OGT: variants seen among roughly 807,000 people sequenced by gnomAD.
OGT encodes the protein O-linked N-acetylglucosamine (GlcNAc) transferase, also known as UDP-N-acetylglucosamine--peptide N-acetylglucosaminyltransferase 110 kDa subunit.
A neutral mutation model predicts 75.8 loss-of-function variants in OGT; 3 were observed. The ratio of observed to expected loss-of-function variants is 0.04; its 90% confidence interval spans 0.02 to 0.10. The LOEUF (loss-of-function observed/expected upper bound fraction) is 0.10, where lower values mean the gene tolerates loss of function less well. Among genes scored for constraint, OGT ranks in the 10% least tolerant of loss-of-function variants. OGT has a pLI of 1.00. For missense variants in OGT, 260 were observed against 824.4 expected (o/e 0.32, Z 8.38); for synonymous variants, 257 against 289.7 (o/e 0.89, Z 1.15).
At chrX:71,536,799 TAATC>T (rs775920445) in intron 2 of OGT, 251 of 150,105 alleles carry the variant, frequency 1.7e-3, no homozygotes, top group Middle Eastern at 2.9e-3. Context: ...TCAGTTGAAT[TAATC>T]AAAAGGGAAG....
chrX:71,550,253 C>T (rs1224663996), intron 5 of OGT, among the ~76,000 whole-genome samples: 2 of 112,500 alleles, frequency 1.8e-5, no homozygotes, highest in East Asian at 2.8e-4. Flanking sequence ...TGTTATTATT[C>T]GTCCTTTTGA....
rs1401687254 is a variant in OGT, at chrX:71,563,106, G to A, written c.2149-24G>A. ...TGTCTATGTAAATCCTAAAAGACAT[G>A]TCTGAAACTATTTTTTCCATTAGAA... On this transcript the variant is annotated intron_variant, in intron 16 of 21. Transcript: ENST00000373719. The A allele has an allele frequency of 4.2e-6, 5 of 1,197,730 alleles. No homozygotes were observed. The African/African-American group carries it at 7.0e-5, about 17-fold the overall frequency.
Position 71,575,234 on chromosome X carries a change from A to T in OGT, c.*1440A>T, listed in dbSNP as rs954691910. The stretch of plus-strand genomic sequence containing the variant: ...TTGTCTGCTAGTAGTGTTCTAGATT[A>T]TGTCTTTCCAAAGCGCTGAGGCTGT... On this transcript the variant is annotated 3_prime_UTR_variant, in exon 22 of 22. Transcript: ENST00000373719. The T allele has an allele frequency of 2.1e-4, 24 of 112,169 alleles. No homozygotes were observed. Among genetic ancestry groups the T allele is most frequent in the African/African-American group, 7.5e-4 (23 of 30,794 alleles). The allele number at this position is 112,169 out of a possible 1,213,427, so 9.2% of individuals were successfully genotyped here.
Position 71,566,608 on chromosome X carries a change from A to G in OGT, c.2590-892A>G, listed in dbSNP as rs148281473. On this transcript the variant is annotated intron_variant, in intron 19 of 21. Coordinates refer to ENST00000373719, the MANE Select transcript of OGT (RefSeq NM_181672.3). ...AATTACCTACCACTGGGTCCCTCCC[A>G]TGACACATGGGGCTTATGGGAACTG... is the stretch of plus-strand genomic sequence containing the variant. Among the ~76,000 whole-genome samples, 409 of 112,154 alleles carry G rather than the reference A, an allele frequency of 3.6e-3. 6 individuals are homozygous for G. The highest frequency in any genetic ancestry group is 0.032 in the Admixed American group (334 of 10,563).
chrX:71,535,359 ACCAGAG>A (rs1170501593), intron 1 of OGT, among the ~76,000 whole-genome samples: 4 of 111,705 alleles, frequency 3.6e-5, no homozygotes, highest in Non-Finnish European at 7.5e-5. Flanking sequence ...TTTAGTCAAT[ACCAGAG>A]CTGTTTGGAA....
In OGT at chrX:71,574,805, G is replaced by C. The variant is rs1333826109; in HGVS notation, c.*1011G>C. On this transcript the variant is annotated 3_prime_UTR_variant, in exon 22 of 22. Coordinates refer to ENST00000373719, the MANE Select transcript of OGT (RefSeq NM_181672.3). ...CCTGTTCTTCCTATTTCTTTCAGCA[G>C]AAATGAAATCCCAGGTAAGTATAAG... 9.6e-6 allele frequency: 1 copy of C among 104,380 alleles called. No individual in the cohort carries two copies. Among genetic ancestry groups the C allele is most frequent in the Non-Finnish European group, 2.0e-5 (1 of 51,235 alleles). 8.6% of individuals were successfully genotyped at this position (104,380 alleles called of 1,213,427 possible).
At chrX:71,549,614 T>A (rs2147676849) in intron 5 of OGT, among the ~76,000 whole-genome samples, 1 of 110,800 alleles carries the variant, frequency 9.0e-6, no homozygotes, top group African/African-American at 3.3e-5. Context: ...AGTAAGACCC[T>A]GTCTCTACAA....
chrX:71,573,336 T>C (rs998048609), intron 21 of OGT, among the ~76,000 whole-genome samples: 5 of 112,418 alleles, frequency 4.4e-5, no homozygotes, highest in African/African-American at 1.6e-4. Context: ...CTTGTTATTT[T>C]AAAGGTAGAA....
At chrX:71,562,674 T>G (rs2040392448) in intron 15 of OGT, among the ~76,000 whole-genome samples, 173 bp from the exon 16 acceptor site, 1 of 112,055 alleles carries the variant, frequency 8.9e-6, no homozygotes, top group South Asian at 3.7e-4. Flanking sequence ...GACCTCCTTG[T>G]TTATTTACTT....
chrX:71,557,240 C>T lies in OGT; in HGVS notation c.1366C>T (p.Leu456=), dbSNP rs939393427. The T allele has an allele frequency of 2.0e-5, 24 of 1,207,007 alleles. No homozygotes were observed. Among genetic ancestry groups the T allele is most frequent in the Non-Finnish European group, 2.4e-5 (21 of 893,234 alleles). The change falls in exon 11 of 22, where the codon CTG becomes TTG. Residue 456 remains leucine (L), a synonymous_variant. Transcript: ENST00000373719. The part of the protein sequence containing the change: ...PEAIASYRTA[L]KLKPDFPDAY... ...AGCCATAGCTTCTTACCGCACGGCT[C>T]TGAAACTTAAGCCTGATTTTCCTGA...
chrX:71,548,393 T>C (rs2040276965), intron 5 of OGT, among the ~76,000 whole-genome samples: 1 of 111,188 alleles, frequency 9.0e-6, no homozygotes, highest in Non-Finnish European at 1.9e-5. Flanking sequence ...GCTGTGACCA[T>C]GCCACTGTAC....
chrX:71,563,856 C>G (rs1278907087), intron 18 of OGT, among the ~76,000 whole-genome samples: 2 of 111,996 alleles, frequency 1.8e-5, no homozygotes, highest in Non-Finnish European at 3.8e-5. Context: ...ACAGCTCTTC[C>G]AGGAATCCAT....
intron 19 of OGT, among the ~76,000 whole-genome samples, 196 bp downstream of exon 19, chrX:71,564,949 G>A (rs1257928694): frequency 9.0e-6 from 1 of 111,629 alleles, no homozygotes; most frequent in Non-Finnish European, 1.9e-5. Flanking sequence ...CTGAGGTCAG[G>A]AGCTTGAGAC....
At chrX:71,538,744 G>T (rs1238233383) in intron 3 of OGT, among the ~76,000 whole-genome samples, 2 of 112,118 alleles carry the variant, frequency 1.8e-5, no homozygotes, top group African/African-American at 6.5e-5. Context: ...TTATGATGTA[G>T]TTAGAGAAAG....
chrX:71,535,077 G>A (rs2040165333), intron 1 of OGT, among the ~76,000 whole-genome samples: 1 of 109,862 alleles, frequency 9.1e-6, no homozygotes, highest in African/African-American at 3.3e-5. Context: ...AGCTAGTGAA[G>A]TGCTACGGTC....
intron 1 of OGT, among the ~76,000 whole-genome samples, chrX:71,534,595 A>T (rs1377632586): frequency 5.4e-5 from 6 of 111,107 alleles, no homozygotes; most frequent in Middle Eastern, 4.6e-3. Context: ...ATAGTGTCTT[A>T]TCCGTAATTG....
rs1330464139 is a variant in OGT, at chrX:71,533,343, G to C, written c.37+7G>C. On this transcript the variant is annotated splice_region_variant and intron_variant, in intron 1 of 21. Transcript: ENST00000373719. ...AACGTGGCCGACAGCACAGGTACCG[G>C]TGTCCCGTTCTACCTTGGCAGATGC... is the stretch of plus-strand genomic sequence containing the variant. 8.4e-7 allele frequency: 1 copy of C among 1,193,317 alleles called. No homozygotes were observed. Among genetic ancestry groups the C allele is most frequent in the East Asian group, 3.1e-5 (1 of 32,766 alleles).
rs1337481566 is a variant in OGT at position 71,533,312 on chromosome X, G to A, written c.13G>A (p.Val5Met). The part of the protein sequence containing the change: MASS[V>M]GNVADSTEPT... Reference sequence around the variant, plus strand: ...CGAGAAGCTCCAGATGGCGTCTTCCGTGGGCAACGTGGCCGACAGCACAGG... The same window carrying A: ...CGAGAAGCTCCAGATGGCGTCTTCCATGGGCAACGTGGCCGACAGCACAGG... Residue 5 changes from valine (V) to methionine (M), a missense_variant, in exon 1 of 22, where the codon GTG becomes ATG. Physicochemically the swap from Val to Met is conservative, Grantham distance 21. Around this residue, in one of 6 missense-constraint regions of OGT, gnomAD observed 38 missense variants for 117.1 expected, o/e 0.32. Transcript: ENST00000373719. The A allele has an allele frequency of 8.3e-7, 1 of 1,199,650 alleles. No homozygotes were observed.
chrX:71,553,171 A>G (rs2040318664), intron 5 of OGT, among the ~76,000 whole-genome samples: 1 of 111,252 alleles, frequency 9.0e-6, no homozygotes, highest in Non-Finnish European at 1.9e-5. Flanking sequence ...AGCTCACTGC[A>G]GCTTCCGCCT....
Sources: gnomAD v4.1 joint callset for allele counts (sites outside exome capture counted in the v4.1 genomes callset) on GRCh38, gnomAD v4.1.1 for gene constraint, gnomAD v4.1.1 regional missense constraint, MANE v1.5 for transcripts, NCBI Gene and HGNC (gene_info 2026-07-23, HGNC 2026-07-21) for gene names.